The following SCAPER variants were observed in gnomAD, a reference collection of about 807,000 sequenced individuals.
The protein encoded by SCAPER is S phase cyclin A-associated protein in the endoplasmic reticulum.
Under a neutral mutation model 182.2 loss-of-function variants are expected in SCAPER, and 98 were observed. The ratio of observed to expected loss-of-function variants is 0.54; its 90% CI spans 0.46 to 0.64. SCAPER has a LOEUF of 0.64. SCAPER is among the 30% of genes least tolerant of loss of function. The pLI, the probability that SCAPER is intolerant of heterozygous loss-of-function variation, is 0.00. For missense variants in SCAPER, 1,432 were observed against 1,690.0 expected (o/e 0.85, Z 2.68); for synonymous variants, 605 against 564.6 (o/e 1.07, Z -1.01).
At chr15:76,414,915 G>A (rs2045549005) in intron 26 of SCAPER, among the ~76,000 whole-genome samples, 1 of 152,130 alleles carries the variant, frequency 6.6e-6, no homozygotes, top group African/African-American at 2.4e-5. Context: ...GATAGAATTT[G>A]CTCTTTCAGT....
intron 20 of SCAPER, among the ~76,000 whole-genome samples, chr15:76,674,313 T>TA (rs1046866549): frequency 1.3e-5 from 2 of 152,170 alleles, no homozygotes; most frequent in African/African-American, 4.8e-5. Context: ...ATTATAGTCT[T>TA]ACCAAATGGA....
In SCAPER at chr15:76,883,883, T is replaced by G; in HGVS notation, c.-59-7A>C. The G allele has an allele frequency of 8.6e-7, 1 of 1,169,208 alleles. No homozygotes were observed. The highest frequency in any genetic ancestry group is 1.2e-6 in the Non-Finnish European group (1 of 827,016). 72.4% of individuals were successfully genotyped at this position (1,169,208 alleles called of 1,614,324 possible). On this transcript the variant is annotated splice_region_variant and splice_polypyrimidine_tract_variant and intron_variant, in intron 1 of 31. Coordinates refer to ENST00000563290, the MANE Select transcript of SCAPER (RefSeq NM_020843.4). ...AACCCATGGAGTATGACTCCTACAA[T>G]AAAAAATATATATACGCTTAGTTAT...
intron 1 of SCAPER, among the ~76,000 whole-genome samples, chr15:76,893,595 T>C (rs528637189): frequency 6.6e-6 from 1 of 152,182 alleles, no homozygotes; most frequent in African/African-American, 2.4e-5. Flanking sequence ...TGCAGAACAT[T>C]CCATCCAACA....
intron 17 of SCAPER, among the ~76,000 whole-genome samples, chr15:76,709,996 CAGAA>C (rs1168464779): frequency 6.6e-6 from 1 of 152,092 alleles, no homozygotes; most frequent in Non-Finnish European, 1.5e-5. Flanking sequence ...AAACTAGAAA[CAGAA>C]AGAAACTTCC....
intron 23 of SCAPER, among the ~76,000 whole-genome samples, chr15:76,520,859 G>A (rs575951061): frequency 7.3e-4 from 111 of 152,240 alleles, no homozygotes; most frequent in African/African-American, 2.6e-3. Context: ...TTGCCTCCCT[G>A]CATGGTACAC....
At chr15:76,520,207 CT>C (rs1300493956) in intron 23 of SCAPER, among the ~76,000 whole-genome samples, 1 of 151,972 alleles carries the variant, frequency 6.6e-6, no homozygotes, top group African/African-American at 2.4e-5. Flanking sequence ...CTATAGCTAT[CT>C]TTTGTTTTTT....
At chr15:76,655,887 A>T (rs1178329306) in intron 21 of SCAPER, among the ~76,000 whole-genome samples, 2 of 152,164 alleles carry the variant, frequency 1.3e-5, no homozygotes, top group Non-Finnish European at 2.9e-5. Flanking sequence ...GACTTGCCTT[A>T]AAAAAGGTCC....
chr15:76,497,223 AC>A lies in SCAPER; in HGVS notation c.2954+7635del, dbSNP rs201269522. Among the ~76,000 whole-genome samples the A allele has an allele frequency of 8.5e-3, 1,278 of 150,654 alleles. 13 individuals carry two copies. The highest frequency in any genetic ancestry group is 0.014 in the Non-Finnish European group (956 of 67,824). ...TCTACATGATTATTCAAATTCAAATACCTAAGAAAAAAAATCACTTGAAGTT... is the reference window on the plus strand; with the variant it reads ...TCTACATGATTATTCAAATTCAAATACTAAGAAAAAAAATCACTTGAAGTT... On this transcript the variant is annotated intron_variant, in intron 24 of 31. Coordinates refer to ENST00000563290, the MANE Select transcript of SCAPER (RefSeq NM_020843.4).
chr15:76,757,303 G>A (rs1462098992), intron 14 of SCAPER, among the ~76,000 whole-genome samples: 1 of 152,066 alleles, frequency 6.6e-6, no homozygotes, highest in East Asian at 1.9e-4. Flanking sequence ...TTCTATGAAT[G>A]TGACTTTTTC....
At chr15:76,446,262 A>C (rs2047989341) in intron 25 of SCAPER, among the ~76,000 whole-genome samples, 1 of 152,208 alleles carries the variant, frequency 6.6e-6, no homozygotes, top group Non-Finnish European at 1.5e-5. Context: ...AATACTGAAA[A>C]TTAATCAAGG....
chr15:76,461,965 G>T (rs536908956), intron 25 of SCAPER, among the ~76,000 whole-genome samples: 7 of 152,146 alleles, frequency 4.6e-5, no homozygotes, highest in Non-Finnish European at 8.8e-5. Flanking sequence ...TGAGTTATAC[G>T]GAGTTGTCTC....
At chr15:76,387,009 T>C (rs1168905342) in intron 27 of SCAPER, among the ~76,000 whole-genome samples, 1 of 152,192 alleles carries the variant, frequency 6.6e-6, no homozygotes, top group Non-Finnish European at 1.5e-5. Context: ...ACTAGGAGGC[T>C]GCTTTAATCA....
intron 28 of SCAPER, among the ~76,000 whole-genome samples, chr15:76,377,953 G>A (rs114029889): frequency 0.011 from 1,629 of 152,328 alleles, 39 homozygotes; most frequent in African/African-American, 0.037. Flanking sequence ...CTATGTGCTA[G>A]TGAGCACAGC....
chr15:76,641,116 G>T (rs1022055922), intron 21 of SCAPER, among the ~76,000 whole-genome samples: 2 of 152,130 alleles, frequency 1.3e-5, no homozygotes, highest in African/African-American at 4.8e-5. Flanking sequence ...GGTCTAACCG[G>T]TTGTCTAGCT....
chr15:76,397,007 G>GTTTTTTTTT (rs61586857), intron 27 of SCAPER, among the ~76,000 whole-genome samples: 2 of 121,150 alleles, frequency 1.7e-5, no homozygotes, highest in African/African-American at 2.9e-5. Flanking sequence ...TTTTTTGAGA[G>GTTTTTTTTT]TTTTTTTTTT....
intron 8 of SCAPER, among the ~76,000 whole-genome samples, chr15:76,787,994 T>C (rs1016217650): frequency 6.6e-6 from 1 of 152,164 alleles, no homozygotes; most frequent in Non-Finnish European, 1.5e-5. Flanking sequence ...ACTGTATTAT[T>C]ACAAACAGTT....
intron 25 of SCAPER, among the ~76,000 whole-genome samples, chr15:76,451,925 G>T (rs2048391844): frequency 6.6e-6 from 1 of 152,112 alleles, no homozygotes; most frequent in South Asian, 2.1e-4. Context: ...TCTAATCAGG[G>T]TTTCTCTGTA....
At chr15:76,604,933 C>T (rs1019992267) in intron 22 of SCAPER, among the ~76,000 whole-genome samples, 14 of 152,068 alleles carry the variant, frequency 9.2e-5, no homozygotes, top group African/African-American at 1.7e-4. Context: ...TGGGCTGAGA[C>T]GATGGGGTTT....
chr15:76,561,153 A>G (rs1191250768), intron 23 of SCAPER, among the ~76,000 whole-genome samples: 1 of 152,244 alleles, frequency 6.6e-6, no homozygotes, highest in African/African-American at 2.4e-5. Context: ...CCAGAGAGTT[A>G]GCATGATGGA....
Sources: allele counts gnomAD v4.1 joint callset (sites outside exome capture counted in the v4.1 genomes callset), GRCh38; gene constraint gnomAD v4.1.1; transcripts MANE v1.5; gene names NCBI Gene and HGNC (gene_info 2026-07-23, HGNC 2026-07-21).